Variants in CC2D2B observed in about 807,000 individuals in gnomAD.
The protein encoded by CC2D2B is coiled-coil and C2 domain containing 2B.
Under a neutral mutation model 161.2 loss-of-function variants are expected in CC2D2B, and 128 were observed. The observed-to-expected ratio is 0.79, with a 90% CI of 0.69 to 0.92. The LOEUF is 0.92. Among genes scored for constraint, CC2D2B ranks in the 40% least tolerant of loss-of-function variants. The pLI is 0.00. For missense variants in CC2D2B, 1,173 were observed against 1,375.1 expected (o/e 0.85, Z 2.32); for synonymous variants, 391 against 449.8 (o/e 0.87, Z 1.65).
chr10:96,014,924 T>A (rs2079126811), intron 29 of CC2D2B, among the ~76,000 whole-genome samples: 1 of 152,142 alleles, frequency 6.6e-6, no homozygotes, highest in Admixed American at 6.5e-5. Flanking sequence ...TAGGGCCATA[T>A]CAGTTGTTAA....
intron 17 of CC2D2B, among the ~76,000 whole-genome samples, chr10:95,981,187 A>T (rs2077508148): frequency 6.6e-6 from 1 of 152,064 alleles, no homozygotes; most frequent in Non-Finnish European, 1.5e-5. Flanking sequence ...AGGTCAGGAG[A>T]TTGAAACCAT....
chr10:95,914,291 GTTTC>G (rs931716932), intron 2 of CC2D2B, among the ~76,000 whole-genome samples: 2 of 151,906 alleles, frequency 1.3e-5, no homozygotes, highest in African/African-American at 2.4e-5. Context: ...TTTATTTTTG[GTTTC>G]TTTATTTTGT....
intron 32 of CC2D2B, among the ~76,000 whole-genome samples, chr10:96,022,039 T>C (rs2079484944): frequency 6.6e-6 from 1 of 152,190 alleles, no homozygotes; most frequent in South Asian, 2.1e-4. Flanking sequence ...GATTTCTGGC[T>C]GGGTGCGGTG....
At chr10:95,908,670 A>G (rs10882686) in intron 1 of CC2D2B, among the ~76,000 whole-genome samples, 93,983 of 151,190 alleles carry the variant, frequency 0.62, 29,797 homozygotes, top group Admixed American at 0.7. Flanking sequence ...GTGATGTGAG[A>G]GTTTTTTGGC....
At chr10:95,991,294 G>A in intron 20 of CC2D2B, 76 bp from the exon 21 acceptor site, 5 of 411,258 alleles carry the variant, frequency 1.2e-5, no homozygotes, top group Non-Finnish European at 2.0e-5. Context: ...AAATATACTG[G>A]CACCGGTAGC....
intron 26 of CC2D2B, among the ~76,000 whole-genome samples, chr10:96,010,711 G>A (rs1251652041): frequency 6.6e-6 from 1 of 152,110 alleles, no homozygotes; most frequent in East Asian, 1.9e-4. Context: ...AAAGATCAAA[G>A]AAAACTTAAC....
Position 95,965,785 on chromosome 10 carries a change from T to TTGTGTGTGTGTG in CC2D2B, c.1251-85_1251-74dup, listed in dbSNP as rs59230785. 7.3e-4 allele frequency: 250 copies of TTGTGTGTGTGTG among 344,426 alleles called. 1 individual carries two copies. Among genetic ancestry groups the TTGTGTGTGTGTG allele is most frequent in the East Asian group, 3.6e-3 (88 of 24,716 alleles). 21.3% of individuals were successfully genotyped at this position (344,426 alleles called of 1,614,324 possible). A position where few individuals can be genotyped will look rare whatever the true frequency, so the allele number is the denominator to read the frequency against. ...TAAAATTACTTGTAAGAGATTGGTT[T>TTGTGTGTGTGTG]TGTGTGTGTGTGTGTGTGTGTGTGT... is the stretch of plus-strand genomic sequence containing the variant. On this transcript the variant is annotated intron_variant, in intron 12 of 34. Coordinates refer to ENST00000646931, the MANE Select transcript of CC2D2B (RefSeq NM_001349008.3).
At chr10:96,031,492 T>C (rs541993275) in intron 34 of CC2D2B, among the ~76,000 whole-genome samples, 56 of 152,290 alleles carry the variant, frequency 3.7e-4, no homozygotes, top group African/African-American at 1.3e-3. Context: ...ATCCCCCATA[T>C]GTAGAATCAA....
chr10:95,926,218 G>C (rs181595753), intron 5 of CC2D2B, among the ~76,000 whole-genome samples: 51 of 152,220 alleles, frequency 3.4e-4, no homozygotes, highest in African/African-American at 1.2e-3. Flanking sequence ...TACAAAGTTT[G>C]TCAAGGTCAA....
At chr10:95,992,168 A>T (rs1444406330) in intron 21 of CC2D2B, among the ~76,000 whole-genome samples, 1 of 152,216 alleles carries the variant, frequency 6.6e-6, no homozygotes, top group Non-Finnish European at 1.5e-5. Flanking sequence ...TTTCAGAGCC[A>T]TGGATAAAAT....
chr10:96,014,784 G>A (rs1347662864), intron 29 of CC2D2B, among the ~76,000 whole-genome samples: 1 of 152,094 alleles, frequency 6.6e-6, no homozygotes, highest in Admixed American at 6.6e-5. Flanking sequence ...GAACCTCCTT[G>A]ACCTGACAAT....
chr10:95,917,685 C>T (rs1341840478), intron 2 of CC2D2B, among the ~76,000 whole-genome samples: 1 of 152,182 alleles, frequency 6.6e-6, no homozygotes, highest in East Asian at 1.9e-4. Context: ...CTAATTAAAA[C>T]TCTACCCTTT....
chr10:96,022,516 C>A (rs1256993487), intron 32 of CC2D2B: 1 of 152,180 alleles, frequency 6.6e-6, no homozygotes, highest in Non-Finnish European at 1.5e-5. Context: ...CTTGAGCAAG[C>A]CACATTTAAA....
intron 2 of CC2D2B, among the ~76,000 whole-genome samples, chr10:95,917,142 C>T (rs1231089045): frequency 6.6e-6 from 1 of 152,052 alleles, no homozygotes; most frequent in South Asian, 2.1e-4. Flanking sequence ...ATATCATGAC[C>T]TTCTTTGTCT....
intron 2 of CC2D2B, among the ~76,000 whole-genome samples, chr10:95,913,168 T>G (rs943408325): frequency 6.6e-6 from 1 of 151,856 alleles, no homozygotes; most frequent in Non-Finnish European, 1.5e-5. Flanking sequence ...TGAGTTCAAT[T>G]GTTTTAATTT....
intron 20 of CC2D2B, among the ~76,000 whole-genome samples, chr10:95,989,561 T>C (rs562905826): frequency 6.6e-6 from 1 of 152,326 alleles, no homozygotes; most frequent in South Asian, 2.1e-4. Flanking sequence ...TTCTTGCTTA[T>C]AAGAAAAGAG....
At chr10:95,911,496 G>T in intron 2 of CC2D2B, 137 bp downstream of exon 2, 1 of 195,718 alleles carries the variant, frequency 5.1e-6, no homozygotes, top group Non-Finnish European at 1.0e-5. Context: ...AGAAACAATA[G>T]GAGAGTTTAG....
rs767592540 is a variant in CC2D2B at position 95,927,213 on chromosome 10, A to G, written c.241-24A>G. ...ATAAGCAGAAAAAGTGTTTATTTCAACACTAAATACTGGTTTATCATAGTT... is the reference window on the plus strand; with the variant it reads ...ATAAGCAGAAAAAGTGTTTATTTCAGCACTAAATACTGGTTTATCATAGTT... On this transcript the variant is annotated intron_variant, in intron 5 of 34. Coordinates refer to ENST00000646931, the MANE Select transcript of CC2D2B (RefSeq NM_001349008.3). The G allele has an allele frequency of 3.0e-5, 40 of 1,330,902 alleles. No individual in the cohort carries two copies. The South Asian group carries it at 4.3e-4, about 14-fold the overall frequency. The allele number at this position is 1,330,902 out of a possible 1,614,324, so 82.4% of individuals were successfully genotyped here.
At chr10:95,999,944 A>T (rs2078401277) in intron 24 of CC2D2B, 4 of 558,444 alleles carry the variant, frequency 7.2e-6, no homozygotes, top group Admixed American at 4.9e-5. Context: ...TCGGGAAGCT[A>T]TCTCAGCTCT....
Sources: allele counts gnomAD v4.1 joint callset (sites outside exome capture counted in the v4.1 genomes callset), GRCh38; gene constraint gnomAD v4.1.1; transcripts MANE v1.5; gene names NCBI Gene and HGNC (gene_info 2026-07-23, HGNC 2026-07-21).